SEZ6: variants seen among roughly 807,000 people sequenced by gnomAD.
The protein encoded by SEZ6 is seizure protein 6 homolog.
A neutral mutation model predicts 101.0 loss-of-function variants in SEZ6; 53 were observed. The ratio of observed to expected loss-of-function variants is 0.52; its 90% CI spans 0.42 to 0.66. The LOEUF is 0.66. SEZ6 is among the 30% of genes least tolerant of loss of function. The probability of loss-of-function intolerance (pLI) is 0.00; values close to 1 mark genes in which losing one functional copy is unlikely to be tolerated. For missense variants in SEZ6, 1,102 were observed against 1,289.4 expected (o/e 0.85, Z 2.23); for synonymous variants, 488 against 512.2 (o/e 0.95, Z 0.64).
Position 29,005,823 on chromosome 17 carries a change from A to G in SEZ6, c.47T>C (p.Leu16Pro). ...LLLLPSLLAL[L>P]AHGLSLEAPT... The stretch of plus-strand genomic sequence containing the variant: ...ATGCCGGGGTCCCTTACCGTGAGCC[A>G]GGAGCGCCAGCAGCGAGGGCAGGAG... The change falls in exon 1 of 17, where the codon CTG becomes CCG. Residue 16 changes from leucine to proline, a missense_variant. Physicochemically the swap from Leu to Pro is moderately conservative, Grantham distance 98 (BLOSUM62 -3). Transcript: ENST00000317338. This position sits in a 1 kb window ranked among gnomAD's most constrained non-coding sequence, Gnocchi z 4.8. The G allele has an allele frequency of 2.0e-6, 3 of 1,485,500 alleles. No individual in the cohort carries two copies. Among genetic ancestry groups the G allele is most frequent in the Non-Finnish European group, 2.7e-6 (3 of 1,118,064 alleles). 92.0% of individuals were successfully genotyped at this position (1,485,500 alleles called of 1,614,324 possible).
chr17:29,004,606 G>A (rs185930433), intron 1 of SEZ6, among the ~76,000 whole-genome samples: 42 of 152,272 alleles, frequency 2.8e-4, no homozygotes, highest in African/African-American at 9.4e-4. Context: ...GCCTGTCCCT[G>A]GCCGCGCTGC....
chr17:28,993,848 G>A (rs1404655372), intron 1 of SEZ6, among the ~76,000 whole-genome samples: 1 of 152,242 alleles, frequency 6.6e-6, no homozygotes, highest in East Asian at 1.9e-4. Flanking sequence ...CAGCACACGT[G>A]TCCACTTTTG....
rs1018600329 is a variant in SEZ6 at position 29,005,051 on chromosome 17, C to G, written c.55+764G>C. Among the ~76,000 whole-genome samples, 1 of 146,908 alleles carries G rather than the reference C, an allele frequency of 6.8e-6. No homozygotes were observed. The highest frequency in any genetic ancestry group is 1.5e-5 in the Non-Finnish European group (1 of 66,686). On this transcript the variant is annotated intron_variant, in intron 1 of 16. Coordinates refer to ENST00000317338, the MANE Select transcript of SEZ6 (RefSeq NM_178860.5). The surrounding 1 kb of genome is among the most constrained non-coding windows in gnomAD (Gnocchi z 4.8). ...ACCAGGGCCGGGCAGGAAGGCAGGC[C>G]GGGAGGGAGGCAGAGCTCGGGGCAG...
chr17:28,971,006 C>G (rs1472407113), intron 3 of SEZ6, among the ~76,000 whole-genome samples: 1 of 152,198 alleles, frequency 6.6e-6, no homozygotes, highest in Non-Finnish European at 1.5e-5. Context: ...TTCAGGCCCT[C>G]AGTCCCTTGA....
chr17:28,956,888 T>C (rs1442217802), intron 13 of SEZ6, 131 bp from the exon 14 acceptor site: 1 of 1,364,676 alleles, frequency 7.3e-7, no homozygotes, highest in Non-Finnish European at 1.0e-6. Context: ...GCATTTGTCT[T>C]GGTGATGCCA....
At position 28,959,229 on chromosome 17, in the gene SEZ6, G is replaced by A. The variant is rs1247949867; in HGVS notation, c.1911-8C>T. On this transcript the variant is annotated splice_region_variant and splice_polypyrimidine_tract_variant and intron_variant, in intron 9 of 16. Coordinates refer to ENST00000317338, the MANE Select transcript of SEZ6 (RefSeq NM_178860.5). The surrounding 1 kb of genome is among the most constrained non-coding windows in gnomAD (Gnocchi z 4.4). Reference sequence around the variant, plus strand: ...CCAGGGCCTATGCGCAGCCTGTGAAGGAGGAGCGTCAGGGCAGAGCCGGCC... The same window carrying A: ...CCAGGGCCTATGCGCAGCCTGTGAAAGAGGAGCGTCAGGGCAGAGCCGGCC... 5.6e-6 allele frequency: 9 copies of A among 1,612,350 alleles called. No homozygotes were observed. The highest frequency in any genetic ancestry group is 3.3e-5 in the Admixed American group (2 of 59,846).
chr17:28,959,357 C>T lies in SEZ6; in HGVS notation c.1887G>A (p.Lys629=), dbSNP rs1238774086. 33 of 1,613,926 alleles carry T rather than the reference C, an allele frequency of 2.0e-5. No homozygotes were observed. Among genetic ancestry groups the T allele is most frequent in the Non-Finnish European group, 2.8e-5 (33 of 1,179,864 alleles). The change falls in exon 9 of 17, where the codon AAG becomes AAA. Residue 629 remains lysine, a synonymous_variant. Transcript: ENST00000317338. The surrounding 1 kb of genome is among the most constrained non-coding windows in gnomAD (Gnocchi z 4.4). Reference sequence around the variant, plus strand: ...ACACTCGGATGTCCAGCATGATGCGCTTGTCCTCTTCCACATGCACACCCC... The same window carrying T: ...ACACTCGGATGTCCAGCATGATGCGTTTGTCCTCTTCCACATGCACACCCC... ...CIWGVHVEED[K]RIMLDIRVLR...
intron 1 of SEZ6, among the ~76,000 whole-genome samples, chr17:29,004,231 C>A (rs140312826): frequency 1.1e-3 from 164 of 152,364 alleles, no homozygotes; most frequent in South Asian, 1.9e-3. Flanking sequence ...CCTTGACTAA[C>A]TGCCAGGGGA....
In SEZ6 at chr17:28,981,516, C is replaced by A. The variant is rs778180015; in HGVS notation, c.579G>T (p.Arg193Ser). The A allele has an allele frequency of 1.2e-6, 2 of 1,610,944 alleles. No individual in the cohort carries two copies. Among genetic ancestry groups the A allele is most frequent in the Non-Finnish European group, 8.5e-7 (1 of 1,178,518 alleles). The change falls in exon 2 of 17, where the codon AGG (arginine) becomes AGT (serine). Residue 193 changes from arginine (R) to serine (S), a missense_variant. Coordinates refer to ENST00000317338, the MANE Select transcript of SEZ6 (RefSeq NM_178860.5). ...PTQEGPGDMGRPWVAEVVSQG... is the reference protein window; with the variant it reads ...PTQEGPGDMGSPWVAEVVSQG... ...GGGACACAACCTCTGCAACCCACGGCCTTCCCATGTCTCCAGGACCCTCTT... is the reference window on the plus strand; with the variant it reads ...GGGACACAACCTCTGCAACCCACGGACTTCCCATGTCTCCAGGACCCTCTT...
At chr17:28,990,128 AG>A (rs2041436747) in intron 1 of SEZ6, among the ~76,000 whole-genome samples, 1 of 152,198 alleles carries the variant, frequency 6.6e-6, no homozygotes, top group African/African-American at 2.4e-5. Flanking sequence ...GGAGGCTGAG[AG>A]GGGCCTGAAT....
At position 28,955,401 on chromosome 17, in the gene SEZ6, C is replaced by A. The variant is rs1481462033; in HGVS notation, c.*561G>T. 6.4e-6 allele frequency: 2 copies of A among 314,270 alleles called. No individual in the cohort carries two copies. The highest frequency in any genetic ancestry group is 1.3e-5 in the Non-Finnish European group (2 of 157,126). 19.5% of individuals were successfully genotyped at this position (314,270 alleles called of 1,614,324 possible). A position where few individuals can be genotyped will look rare whatever the true frequency, so the allele number is the denominator to read the frequency against. ...CCTAGAATTACTGCCTCCACTGGGACAGGGCAGGAGGCAGAACTGTCCAGA... is the reference window on the plus strand; with the variant it reads ...CCTAGAATTACTGCCTCCACTGGGAAAGGGCAGGAGGCAGAACTGTCCAGA... On this transcript the variant is annotated 3_prime_UTR_variant, in exon 17 of 17. Transcript: ENST00000317338.
intron 3 of SEZ6, among the ~76,000 whole-genome samples, chr17:28,971,606 A>T (rs955497975): frequency 6.6e-6 from 1 of 152,188 alleles, no homozygotes; most frequent in Admixed American, 6.5e-5. Context: ...AACAAAAAAA[A>T]AAAGGAAATA....
At chr17:28,985,328 A>G (rs1477005092) in intron 1 of SEZ6, among the ~76,000 whole-genome samples, 1 of 152,138 alleles carries the variant, frequency 6.6e-6, no homozygotes, top group African/African-American at 2.4e-5. Context: ...GGCCCTCAGG[A>G]AGCCTTCTGG....
intron 4 of SEZ6, among the ~76,000 whole-genome samples, chr17:28,965,340 G>A (rs1242670925): frequency 6.6e-6 from 1 of 151,440 alleles, no homozygotes; most frequent in African/African-American, 2.4e-5. Context: ...GGACGAGAGC[G>A]AGACTTCATC....
At chr17:28,994,628 C>G (rs919574623) in intron 1 of SEZ6, among the ~76,000 whole-genome samples, 5 of 151,954 alleles carry the variant, frequency 3.3e-5, no homozygotes, top group African/African-American at 1.2e-4. Flanking sequence ...CCAGGATGGT[C>G]TCGATCTCCT....
At position 29,005,277 on chromosome 17, in the gene SEZ6, A is replaced by G. The variant is rs1446835370; in HGVS notation, c.55+538T>C. Among the ~76,000 whole-genome samples the G allele has an allele frequency of 1.3e-5, 2 of 152,166 alleles. No homozygotes were observed. The highest frequency in any genetic ancestry group is 2.9e-5 in the Non-Finnish European group (2 of 68,022). ...GACTCTGGCGTGGCAGCGCCAGGGC[A>G]TGGGGAGGTGAGCGAGGTCCCAACC... On this transcript the variant is annotated intron_variant, in intron 1 of 16. Transcript: ENST00000317338. This position sits in a 1 kb window ranked among gnomAD's most constrained non-coding sequence, Gnocchi z 4.8.
rs376841840 is a variant in SEZ6, at chr17:28,964,029, G to A, written c.1173C>T (p.Gly391=). Residue 391 remains glycine (G), a synonymous_variant, in exon 5 of 17, where the codon GGC becomes GGT. Transcript: ENST00000317338. ...FHCATGYQLK[G]ARHLTCLNAT... ...CATTGAGACAGGTGAGATGCCTGGCGCCCTTCAGCTGGTAGCCAGTGGCAC... is the reference window on the plus strand; with the variant it reads ...CATTGAGACAGGTGAGATGCCTGGCACCCTTCAGCTGGTAGCCAGTGGCAC... 55 of 1,611,472 alleles carry A rather than the reference G, an allele frequency of 3.4e-5. 1 individual carries two copies. Among genetic ancestry groups the A allele is most frequent in the Middle Eastern group, 3.3e-4 (2 of 6,062 alleles).
At chr17:28,968,810 T>A (rs2041108715) in intron 4 of SEZ6, among the ~76,000 whole-genome samples, 1 of 152,148 alleles carries the variant, frequency 6.6e-6, no homozygotes, top group African/African-American at 2.4e-5. Context: ...TTCACACCAA[T>A]TATTTCCGTA....
intron 3 of SEZ6, among the ~76,000 whole-genome samples, chr17:28,978,163 A>G (rs909976909): frequency 1.3e-5 from 2 of 152,224 alleles, no homozygotes; most frequent in Non-Finnish European, 2.9e-5. Context: ...GGGAAGCAGA[A>G]CAGAAGGCAG....
Sources: allele counts gnomAD v4.1 joint callset (sites outside exome capture counted in the v4.1 genomes callset), GRCh38; gene constraint gnomAD v4.1.1; non-coding constraint Gnocchi (gnomAD v3.1); transcripts MANE v1.5; gene names NCBI Gene and HGNC (gene_info 2026-07-23, HGNC 2026-07-21).